The following RNF19B variants were observed in gnomAD, a reference collection of about 807,000 sequenced individuals.
The protein encoded by RNF19B is E3 ubiquitin-protein ligase RNF19B.
In RNF19B, 23 loss-of-function variants were observed where a neutral mutation model predicts 65.5. The observed-to-expected ratio is 0.35, with a 90% CI of 0.25 to 0.50. The LOEUF is 0.50. RNF19B is among the 20% of genes least tolerant of loss of function. RNF19B has a pLI of 0.98. For synonymous variants in RNF19B, 372 were observed against 379.6 expected (o/e 0.98, Z 0.23); for missense variants, 794 against 980.0 (o/e 0.81, Z 2.53).
chr1:32,934,364 G>A (rs549749000), downstream of RNF19B, among the ~76,000 whole-genome samples: 1 of 152,272 alleles, frequency 6.6e-6, no homozygotes, highest in South Asian at 2.1e-4. Context: ...GGTGAGAGAG[G>A]TCTGACACTG....
At chr1:32,963,768 A>C (rs1570132739) in intron 1 of RNF19B, among the ~76,000 whole-genome samples, 1 of 151,166 alleles carries the variant, frequency 6.6e-6, no homozygotes, top group Non-Finnish European at 1.5e-5. Flanking sequence ...CTCCGGACAG[A>C]GGGCATTCCC....
At chr1:32,938,146 A>G (rs1194546424) in intron 8 of RNF19B, among the ~76,000 whole-genome samples, 123 of 150,626 alleles carry the variant, frequency 8.2e-4, no homozygotes, top group Admixed American at 2.6e-4. Flanking sequence ...AAGACAAAAA[A>G]AAAAAAAAAA....
At chr1:32,945,483 G>A in intron 5 of RNF19B, 31 bp downstream of exon 5, 1 of 1,371,120 alleles carries the variant, frequency 7.3e-7, no homozygotes, top group South Asian at 1.2e-5. Context: ...AGAAAGCTGA[G>A]AGAGAAGAGG....
rs1161542906 is a variant in RNF19B at position 32,938,546 on chromosome 1, G to A, written c.1611-18C>T. 1.2e-6 allele frequency: 2 copies of A among 1,611,834 alleles called. No homozygotes were observed. The highest frequency in any genetic ancestry group is 2.2e-5 in the South Asian group (2 of 90,932). On this transcript the variant is annotated intron_variant, in intron 7 of 8. Coordinates refer to ENST00000235150, the MANE Select transcript of RNF19B (RefSeq NM_001300826.2). ...CTTCTAACCTGTGTAAAGAGGGGAC[G>A]TTCAAGTTAATATGAGACCTGGGTA... is the stretch of plus-strand genomic sequence containing the variant.
At position 32,937,117 on chromosome 1, in the gene RNF19B, C is replaced by T; in HGVS notation, c.1885G>A (p.Gly629Ser). ...ENEEEGSGGG[G>S]SEEDPPCRHQ... ...CTGCAGGGGGGATCCTCTTCACTGC[C>T]TCCGCCACCACTACCTTCTTCTTCA... The change falls in exon 9 of 9, where the codon GGC becomes AGC. Residue 629 changes from glycine to serine, a missense_variant. Coordinates refer to ENST00000235150, the MANE Select transcript of RNF19B (RefSeq NM_001300826.2). 6.2e-7 allele frequency: 1 copy of T among 1,614,170 alleles called. No homozygotes were observed. Among genetic ancestry groups the T allele is most frequent in the Non-Finnish European group, 8.5e-7 (1 of 1,180,028 alleles).
chr1:32,964,435 G>A lies in RNF19B; in HGVS notation c.251C>T (p.Pro84Leu), dbSNP rs1642853626. The change falls in exon 1 of 9, where the codon CCG becomes CTG. Residue 84 changes from proline (P) to leucine (L), a missense_variant. Transcript: ENST00000235150. The surrounding 1 kb of genome is among the most constrained non-coding windows in gnomAD (Gnocchi z 6.5). The stretch of plus-strand genomic sequence containing the variant: ...GGCCTCCGCCTCGGCCTCGGCGGCC[G>A]GCTCGGCGGGCAGCGCCTCGGGCGG... ...GPPPEALPAEPAAEAEAEAAA... is the reference protein window; with the variant it reads ...GPPPEALPAELAAEAEAEAAA... 32 of 1,146,906 alleles carry A rather than the reference G, an allele frequency of 2.8e-5. No homozygotes were observed. The highest frequency in any genetic ancestry group is 3.3e-5 in the Non-Finnish European group (31 of 935,514). The allele number at this position is 1,146,906 out of a possible 1,614,324, so 71.0% of individuals were successfully genotyped here.
chr1:32,933,837 T>C (rs1642058290), downstream of RNF19B, among the ~76,000 whole-genome samples: 1 of 152,160 alleles, frequency 6.6e-6, no homozygotes, highest in Admixed American at 6.6e-5. Flanking sequence ...TCATCTCCAT[T>C]TTGGCTAAGT....
chr1:32,938,140 C>CAAAAACAA, intron 8 of RNF19B, among the ~76,000 whole-genome samples: 1 of 46,044 alleles, frequency 2.2e-5, no homozygotes, highest in Non-Finnish European at 4.0e-5. Flanking sequence ...CCAAGAAAGA[C>CAAAAACAA]AAAAAAAAAA....
chr1:32,955,408 C>G (rs890924094), intron 1 of RNF19B, among the ~76,000 whole-genome samples: 1 of 151,928 alleles, frequency 6.6e-6, no homozygotes, highest in South Asian at 2.1e-4. Context: ...GTTCTGAATA[C>G]GGTAATCTTC....
downstream of RNF19B, among the ~76,000 whole-genome samples, chr1:32,933,031 C>A (rs1642045071): frequency 6.6e-6 from 1 of 152,200 alleles, no homozygotes; most frequent in Admixed American, 6.5e-5. Context: ...GTAGCACTAT[C>A]TACCACTCTG....
At chr1:32,960,736 G>T (rs1304034813) in intron 1 of RNF19B, among the ~76,000 whole-genome samples, 3 of 152,014 alleles carry the variant, frequency 2.0e-5, no homozygotes, top group African/African-American at 7.3e-5. Context: ...AAAAGAGGCA[G>T]CAATAATCCC....
In RNF19B at chr1:32,947,484, C is replaced by A. The variant is rs558589728; in HGVS notation, c.983+738G>T. Among the ~76,000 whole-genome samples the A allele has an allele frequency of 5.5e-4, 83 of 152,132 alleles. 1 individual carries two copies. In the South Asian group the frequency reaches 0.012, roughly 22 times the overall value. ...GACCAGGCTGGCTAACATGGTGAAA[C>A]CCCGCCTCCACTAAAAATACAAAAA... On this transcript the variant is annotated intron_variant, in intron 3 of 8. Transcript: ENST00000235150.
the RNF19B span, among the ~76,000 whole-genome samples, chr1:32,929,978 G>T: frequency 2.0e-5 from 3 of 152,144 alleles, no homozygotes; most frequent in Non-Finnish European, 4.4e-5. Flanking sequence ...AAGATAAGGT[G>T]TTTCCCTTGT....
At chr1:32,955,365 T>C (rs1269032502) in intron 1 of RNF19B, among the ~76,000 whole-genome samples, 2 of 151,956 alleles carry the variant, frequency 1.3e-5, no homozygotes, top group Non-Finnish European at 2.9e-5. Flanking sequence ...TCCTAAAATT[T>C]CATATAAACC....
downstream of RNF19B, among the ~76,000 whole-genome samples, chr1:32,933,706 G>A (rs1256731889): frequency 6.6e-6 from 1 of 152,046 alleles, no homozygotes; most frequent in Non-Finnish European, 1.5e-5. Context: ...TTTCTTATAT[G>A]ATATCTAAAA....
chr1:32,948,158 T>A, intron 3 of RNF19B, 64 bp downstream of exon 3: 1 of 1,558,898 alleles, frequency 6.4e-7, no homozygotes, highest in Non-Finnish European at 8.8e-7. Context: ...CTTTTTGACA[T>A]CCTTTTCCCT....
chr1:32,952,318 G>A (rs1298846464), intron 1 of RNF19B, among the ~76,000 whole-genome samples: 1 of 151,362 alleles, frequency 6.6e-6, no homozygotes, highest in African/African-American at 2.4e-5. Flanking sequence ...TTTTAGCCAG[G>A]TGAGATGGCT....
the RNF19B span, among the ~76,000 whole-genome samples, chr1:32,929,516 G>A: frequency 6.6e-6 from 1 of 152,068 alleles, no homozygotes; most frequent in African/African-American, 2.4e-5. Context: ...GCTGGCTTAG[G>A]GCCAGTTTCC....
At chr1:32,950,179 G>A (rs1642460851) in intron 1 of RNF19B, among the ~76,000 whole-genome samples, 1 of 152,006 alleles carries the variant, frequency 6.6e-6, no homozygotes, top group African/African-American at 2.4e-5. Flanking sequence ...CACCATGTTG[G>A]CCAGGCTGGT....
Sources: allele counts gnomAD v4.1 joint callset (sites outside exome capture counted in the v4.1 genomes callset), GRCh38; gene constraint gnomAD v4.1.1; non-coding constraint Gnocchi (gnomAD v3.1); transcripts MANE v1.5; gene names NCBI Gene and HGNC (gene_info 2026-07-23, HGNC 2026-07-21).